STMN4: variants seen among roughly 807,000 people sequenced by gnomAD.
STMN4 encodes the protein stathmin 4, also known as stathmin-4.
STMN4 carries 12 observed loss-of-function variants against 29.1 expected under a neutral mutation model. The ratio of observed to expected loss-of-function variants is 0.41; its 90% confidence interval spans 0.26 to 0.67. The LOEUF (loss-of-function observed/expected upper bound fraction) is 0.67. STMN4 is among the 30% of genes least tolerant of loss of function. The probability of loss-of-function intolerance (pLI) is 0.30; values close to 1 mark genes in which losing one functional copy is unlikely to be tolerated. For synonymous variants in STMN4, 114 were observed against 105.3 expected, an observed-to-expected ratio of 1.08 and a Z score of -0.51; for missense variants, 181 against 262.8, an observed-to-expected ratio of 0.69 and a Z score of 2.15.
intron 6 of STMN4, chr8:27,239,709 T>G (rs1801408650): frequency 6.9e-7 from 1 of 1,447,020 alleles, no homozygotes; most frequent in Non-Finnish European, 9.0e-7. Context: ...CAGACATATA[T>G]GCTCCCTAAG....
chr8:27,239,573 A>T, intron 6 of STMN4: 1 of 902,116 alleles, frequency 1.1e-6, no homozygotes, highest in Non-Finnish European at 1.6e-6. Context: ...CCCGTGACTT[A>T]GAGCCAAGAG....
chr8:27,257,448 A>AC (rs1210248891), intron 1 of STMN4, among the ~76,000 whole-genome samples: 16 of 119,126 alleles, frequency 1.3e-4, no homozygotes. Flanking sequence ...TCTCCCTCCG[A>AC]CCCCCATACA....
At chr8:27,247,784 T>C (rs1801668222) in intron 1 of STMN4, among the ~76,000 whole-genome samples, 1 of 152,170 alleles carries the variant, frequency 6.6e-6, no homozygotes, top group Non-Finnish European at 1.5e-5. Context: ...ATAGGAAGCA[T>C]GAGGCAAGGA....
Position 27,258,333 on chromosome 8 carries a change from C to T in STMN4, c.-79+18G>A, listed in dbSNP as rs1286863955. On this transcript the variant is annotated intron_variant, in intron 1 of 6. Transcript: ENST00000350889. ...TGCCTGAAAAGCCTCAAATTAGTTG[C>T]ATTTTATTTCTACTTACGTGCAGTC... 6.6e-6 allele frequency: 1 copy of T among 152,268 alleles called. No homozygotes were observed. Among genetic ancestry groups the T allele is most frequent in the Non-Finnish European group, 1.5e-5 (1 of 68,062 alleles). 9.4% of individuals were successfully genotyped at this position (152,268 alleles called of 1,614,324 possible).
intron 1 of STMN4, among the ~76,000 whole-genome samples, chr8:27,254,596 G>A (rs1801884504): frequency 3.3e-5 from 5 of 152,122 alleles, no homozygotes; most frequent in Non-Finnish European, 5.9e-5. Flanking sequence ...GTATGCCTAT[G>A]TGTGTGTAGG....
chr8:27,250,710 G>A (rs1313795174), intron 1 of STMN4, among the ~76,000 whole-genome samples: 1 of 152,194 alleles, frequency 6.6e-6, no homozygotes, highest in African/African-American at 2.4e-5. Flanking sequence ...AGCATCTAGA[G>A]GAAGAGATGA....
At chr8:27,255,690 T>C (rs1184689688) in intron 1 of STMN4, among the ~76,000 whole-genome samples, 2 of 152,216 alleles carry the variant, frequency 1.3e-5, no homozygotes, top group South Asian at 2.1e-4. Flanking sequence ...TCAATCTTTG[T>C]TGCTCTATTT....
chr8:27,255,063 G>GA (rs111316561), intron 1 of STMN4, among the ~76,000 whole-genome samples: 4,270 of 144,928 alleles, frequency 0.029, 126 homozygotes, highest in African/African-American at 0.073. Flanking sequence ...GTAAAACTCT[G>GA]AAAAAAAAAA....
At chr8:27,256,081 A>G (rs941737841) in intron 1 of STMN4, among the ~76,000 whole-genome samples, 46 of 152,326 alleles carry the variant, frequency 3.0e-4, no homozygotes, top group African/African-American at 1.1e-3. Flanking sequence ...CCTTGAGGAC[A>G]TTACACTCAG....
At chr8:27,239,638 G>A (rs1801407045) in intron 6 of STMN4, 6 of 1,312,668 alleles carry the variant, frequency 4.6e-6, no homozygotes, top group Middle Eastern at 2.2e-4. Context: ...ATGAAGCTAG[G>A]AATGCATACC....
chr8:27,240,411 T>G (rs2130060420), intron 5 of STMN4, among the ~76,000 whole-genome samples: 1 of 152,284 alleles, frequency 6.6e-6, no homozygotes, highest in Non-Finnish European at 1.5e-5. Flanking sequence ...TTGCCATCAT[T>G]CATTCATTCA....
At chr8:27,242,278 TG>T in intron 3 of STMN4, 118 bp downstream of exon 3, 1 of 1,026,660 alleles carries the variant, frequency 9.7e-7, no homozygotes, top group Non-Finnish European at 1.5e-6. Context: ...TCATCGGCAC[TG>T]GGAAGGAAAC....
chr8:27,240,973 A>T (rs1336018861), intron 5 of STMN4, 81 bp downstream of exon 5: 3 of 1,415,562 alleles, frequency 2.1e-6, no homozygotes, highest in South Asian at 1.4e-5. Flanking sequence ...AGCTTATCCC[A>T]GCTCAGGTCC....
intron 1 of STMN4, among the ~76,000 whole-genome samples, chr8:27,251,752 CAAAAGCAAGGGAATCTACATTTAAA>C (rs1801792637): frequency 6.6e-6 from 1 of 151,944 alleles, no homozygotes; most frequent in African/African-American, 2.4e-5. Flanking sequence ...AGGGCTTTTA[CAAAAGCAAGGGAATCTACATTTAAA>C]AAAAATTTCT....
chr8:27,251,273 T>C (rs1209019043), intron 1 of STMN4, among the ~76,000 whole-genome samples: 1 of 143,580 alleles, frequency 7.0e-6, no homozygotes, highest in Non-Finnish European at 1.5e-5. Flanking sequence ...TATATATATA[T>C]ACACGTATAT....
In STMN4 at chr8:27,243,760, T is replaced by C; in HGVS notation, c.-37A>G. 2 of 1,614,206 alleles carry C rather than the reference T, an allele frequency of 1.2e-6. No homozygotes were observed. The highest frequency in any genetic ancestry group is 2.2e-5 in the South Asian group (2 of 91,088). On this transcript the variant is annotated 5_prime_UTR_variant, in exon 2 of 7. Coordinates refer to ENST00000350889, the MANE Select transcript of STMN4 (RefSeq NM_030795.4). ...CTGGTGGCTGAATCTAGCTGAAAGT[T>C]ACAGAGTGGGTCTGTCACCAGCTTG...
At chr8:27,254,658 AGATGTGGGGGTT>A (rs1292335909) in intron 1 of STMN4, among the ~76,000 whole-genome samples, 8 of 143,362 alleles carry the variant, frequency 5.6e-5, no homozygotes, top group African/African-American at 1.3e-4. Context: ...GGGAGTGTTC[AGATGTGGGGGTT>A]CATGTGTGTG....
chr8:27,251,845 A>G (rs1319839977), intron 1 of STMN4, among the ~76,000 whole-genome samples: 1 of 150,614 alleles, frequency 6.6e-6, no homozygotes, highest in Non-Finnish European at 1.5e-5. Flanking sequence ...GTTTTAGGGT[A>G]CGTGTGCACA....
Position 27,243,747 on chromosome 8 carries a change from T to A in STMN4, c.-24A>T. The A allele has an allele frequency of 6.2e-7, 1 of 1,614,208 alleles. No individual in the cohort carries two copies. ...ATGTTTCTGGGATCTGGTGGCTGAATCTAGCTGAAAGTTACAGAGTGGGTC... is the reference window on the plus strand; with the variant it reads ...ATGTTTCTGGGATCTGGTGGCTGAAACTAGCTGAAAGTTACAGAGTGGGTC... On this transcript the variant is annotated 5_prime_UTR_variant, in exon 2 of 7. Coordinates refer to ENST00000350889, the MANE Select transcript of STMN4 (RefSeq NM_030795.4).
Sources: gnomAD v4.1 joint callset for allele counts (sites outside exome capture counted in the v4.1 genomes callset) on GRCh38, gnomAD v4.1.1 for gene constraint, MANE v1.5 for transcripts, NCBI Gene and HGNC (gene_info 2026-07-23, HGNC 2026-07-21) for gene names.